Variants in RIN3 observed in about 807,000 individuals in gnomAD.
RIN3 encodes Ras and Rab interactor 3.
Under a neutral mutation model 76.3 loss-of-function variants are expected in RIN3, and 54 were observed. The ratio of observed to expected loss-of-function variants is 0.71; its 90% CI spans 0.57 to 0.89. The LOEUF (loss-of-function observed/expected upper bound fraction) is 0.89, where lower values mean the gene tolerates loss of function less well. RIN3 is among the 40% of genes least tolerant of loss of function. The pLI, the probability that RIN3 is intolerant of heterozygous loss-of-function variation, is 0.00. For missense variants in RIN3, 1,256 were observed against 1,322.1 expected (o/e 0.95, Z 0.78); for synonymous variants, 576 against 564.0 (o/e 1.02, Z -0.30).
intron 4 of RIN3, among the ~76,000 whole-genome samples, chr14:92,620,977 T>A (rs1000255215): frequency 1.3e-5 from 2 of 152,154 alleles, no homozygotes; most frequent in Non-Finnish European, 2.9e-5. Flanking sequence ...TCCAGCTTCA[T>A]GCTTAACTAT....
At chr14:92,586,890 G>A (rs1027770250) in intron 3 of RIN3, among the ~76,000 whole-genome samples, 2 of 152,182 alleles carry the variant, frequency 1.3e-5, no homozygotes, top group African/African-American at 4.8e-5. Context: ...TTTGGGCCTT[G>A]GACGATGGAA....
chr14:92,687,727 G>C, intron 9 of RIN3, 199 bp from the exon 10 acceptor site: 1 of 545,736 alleles, frequency 1.8e-6, no homozygotes, highest in Non-Finnish European at 3.2e-6. Context: ...AGAACTGTCG[G>C]CCCAGCTGGG....
At chr14:92,578,009 G>A (rs936675020) in intron 3 of RIN3, among the ~76,000 whole-genome samples, 7 of 152,186 alleles carry the variant, frequency 4.6e-5, no homozygotes, top group Non-Finnish European at 7.3e-5. Flanking sequence ...GAAGGCAGAG[G>A]GCAGAGGATT....
At position 92,555,614 on chromosome 14, in the gene RIN3, A is replaced by AT. The variant is rs889242760; in HGVS notation, c.45-128dup. Reference sequence around the variant, plus strand: ...CTAAGATGAAGACCATGGTTTGTTGATTTTTTTTTAATTCCCCAAAGGGCC... The same window carrying AT: ...CTAAGATGAAGACCATGGTTTGTTGATTTTTTTTTTAATTCCCCAAAGGGCC... On this transcript the variant is annotated intron_variant, in intron 1 of 9. Coordinates refer to ENST00000216487, the MANE Select transcript of RIN3 (RefSeq NM_024832.5). 6.8e-4 allele frequency: 543 copies of AT among 803,440 alleles called. 3 individuals carry two copies. The highest frequency in any genetic ancestry group is 4.5e-3 in the South Asian group (265 of 58,778). The allele number at this position is 803,440 out of a possible 1,614,324, so 49.8% of individuals were successfully genotyped here.
rs1408284353 is a variant in RIN3, at chr14:92,652,431, C to A, written c.1382C>A (p.Pro461His). Reference protein sequence around the residue: ...RTAKQPPVPPPRKKRISRQLA... With the variant: ...RTAKQPPVPPHRKKRISRQLA... ...GCCAAACAACCCCCAGTCCCGCCCC[C>A]CAGGAAAAAACGGATCTCTCGACAA... is the stretch of plus-strand genomic sequence containing the variant. Residue 461 changes from proline to histidine, a missense_variant, in exon 6 of 10, where the codon CCC (proline) becomes CAC (histidine). Physicochemically the swap from Pro to His is moderately conservative, Grantham distance 77. Around this residue, in one of 3 missense-constraint regions of RIN3, gnomAD observed 610 missense variants for 626.4 expected, o/e 0.97. Coordinates refer to ENST00000216487, the MANE Select transcript of RIN3 (RefSeq NM_024832.5). The surrounding 1 kb of genome is among the most constrained non-coding windows in gnomAD (Gnocchi z 6.4). 6.2e-7 allele frequency: 1 copy of A among 1,614,074 alleles called. No individual in the cohort carries two copies. The highest frequency in any genetic ancestry group is 1.1e-5 in the South Asian group (1 of 91,086).
In RIN3 at chr14:92,577,478, G is replaced by A; in HGVS notation, c.367+1G>A. 3 of 1,592,972 alleles carry A rather than the reference G, an allele frequency of 1.9e-6. No individual in the cohort carries two copies. Among genetic ancestry groups the A allele is most frequent in the Non-Finnish European group, 2.6e-6 (3 of 1,161,536 alleles). On this transcript the variant is annotated splice_donor_variant, in intron 3 of 9. Transcript: ENST00000216487. LOFTEE classifies it high-confidence loss of function. ...TACACCATTAAGGAAGAAAAGTCGA[G>A]TAAGTACCCATCTTCTCTGTTTTCA...
At chr14:92,599,507 C>T (rs1885268766) in intron 3 of RIN3, among the ~76,000 whole-genome samples, 1 of 152,156 alleles carries the variant, frequency 6.6e-6, no homozygotes, top group Non-Finnish European at 1.5e-5. Context: ...ACCCCAGGCC[C>T]AGGGAAGAGC....
At chr14:92,566,286 T>C (rs1159720831) in intron 2 of RIN3, among the ~76,000 whole-genome samples, 1 of 152,172 alleles carries the variant, frequency 6.6e-6, no homozygotes, top group Admixed American at 6.5e-5. Flanking sequence ...CATCTTCAAG[T>C]GGTTGGCTTT....
intron 2 of RIN3, among the ~76,000 whole-genome samples, chr14:92,570,877 T>C (rs76093027): frequency 0.066 from 10,024 of 152,286 alleles, 442 homozygotes; most frequent in Middle Eastern, 0.13. Flanking sequence ...AGTGATTTGA[T>C]TGGTTACAGA....
chr14:92,547,090 A>C (rs866515093), intron 1 of RIN3, among the ~76,000 whole-genome samples: 1 of 63,020 alleles, frequency 1.6e-5, no homozygotes, highest in Admixed American at 1.4e-4. Context: ...ATATTATATT[A>C]TATTATAATT....
intron 3 of RIN3, among the ~76,000 whole-genome samples, chr14:92,598,556 C>T (rs756434772): frequency 2.6e-5 from 4 of 152,152 alleles, no homozygotes; most frequent in Non-Finnish European, 4.4e-5. Context: ...GATGAAGAAA[C>T]GGAGGCACAG....
At position 92,542,250 on chromosome 14, in the gene RIN3, T is replaced by A. The variant is rs1414116442; in HGVS notation, c.45-13501T>A. Among the ~76,000 whole-genome samples the A allele has an allele frequency of 5.3e-5, 8 of 152,048 alleles. No homozygotes were observed. In the South Asian group the frequency reaches 6.2e-4, roughly 12 times the overall value. Reference sequence around the variant, plus strand: ...CTGTAGTGAGCCATGATCACACCACTGCATTCCAGCCTAGTTGACAGAGCG... The same window carrying A: ...CTGTAGTGAGCCATGATCACACCACAGCATTCCAGCCTAGTTGACAGAGCG... On this transcript the variant is annotated intron_variant, in intron 1 of 9. Transcript: ENST00000216487.
intron 8 of RIN3, among the ~76,000 whole-genome samples, chr14:92,678,032 C>T (rs12892857): frequency 0.29 from 43,661 of 150,608 alleles, 7,056 homozygotes; most frequent in Non-Finnish European, 0.36. Flanking sequence ...TCCACCTATC[C>T]ATCCATCTAC....
chr14:92,664,738 A>G (rs1595496513), intron 7 of RIN3, among the ~76,000 whole-genome samples: 3 of 152,244 alleles, frequency 2.0e-5, no homozygotes, highest in African/African-American at 7.2e-5. Context: ...TAACTTACAT[A>G]CACCTGTGTC....
intron 4 of RIN3, among the ~76,000 whole-genome samples, chr14:92,619,834 C>T (rs942585651): frequency 6.6e-6 from 1 of 152,166 alleles, no homozygotes; most frequent in African/African-American, 2.4e-5. Flanking sequence ...GCGTGGCCAA[C>T]TCCGCATGTC....
chr14:92,516,334 G>T (rs528710464), intron 1 of RIN3, among the ~76,000 whole-genome samples: 1 of 152,292 alleles, frequency 6.6e-6, no homozygotes, highest in Non-Finnish European at 1.5e-5. Flanking sequence ...TAATACAGGG[G>T]TCCTGCTGGA....
chr14:92,684,401 A>AAC (rs1377658119), intron 8 of RIN3, among the ~76,000 whole-genome samples: 3 of 151,796 alleles, frequency 2.0e-5, no homozygotes, highest in East Asian at 1.9e-4. Context: ...AAAAAAAAAA[A>AAC]ACCTCACACA....
chr14:92,544,412 TGTG>T (rs1566834926), intron 1 of RIN3, among the ~76,000 whole-genome samples: 1 of 1,232 alleles, frequency 8.1e-4, no homozygotes, highest in Admixed American at 9.4e-3. Context: ...TTGTGACAGC[TGTG>T]GGGGGGGGGG....
At chr14:92,651,199 G>A (rs906371456) in intron 5 of RIN3, among the ~76,000 whole-genome samples, 5 of 152,112 alleles carry the variant, frequency 3.3e-5, no homozygotes, top group African/African-American at 1.2e-4. Flanking sequence ...AGGAATTCCA[G>A]GCCTTCCGTC....
Sources: allele counts gnomAD v4.1 joint callset (sites outside exome capture counted in the v4.1 genomes callset), GRCh38; gene constraint gnomAD v4.1.1; regional missense constraint gnomAD v4.1.1; non-coding constraint Gnocchi (gnomAD v3.1); transcripts MANE v1.5; gene names NCBI Gene and HGNC (gene_info 2026-07-23, HGNC 2026-07-21).